ADPRHL1: variants seen among roughly 807,000 people sequenced by gnomAD.
ADPRHL1 encodes the protein ADP-ribosylhydrolase like 1.
A neutral mutation model predicts 44.1 loss-of-function variants in ADPRHL1; 43 were observed. That is an observed-to-expected ratio of 0.98 (90% confidence interval 0.76 to 1.26). The LOEUF is 1.26. Among genes scored for constraint, ADPRHL1 ranks in the 50% most tolerant of loss-of-function variants. ADPRHL1 has a pLI of 0.00. For missense variants in ADPRHL1, 2,022 were observed against 2,496.9 expected, an observed-to-expected ratio of 0.81 and a Z score of 4.05; for synonymous variants, 878 against 1,017.4, an observed-to-expected ratio of 0.86 and a Z score of 2.61.
rs186128422 is a variant in ADPRHL1, at chr13:113,444,647, C to T, written c.215-58G>A. 2.5e-4 allele frequency: 385 copies of T among 1,571,130 alleles called. 1 individual carries two copies. In the African/African-American group the frequency reaches 4.7e-3, roughly 19 times the overall value. ...CAGCTGTGGTGTGAACTGTGGCCTC[C>T]CTCCCGCGGGGTCAGGCACCATAGT... On this transcript the variant is annotated intron_variant, in intron 1 of 7. Coordinates refer to ENST00000612156, the MANE Select transcript of ADPRHL1 (RefSeq NM_001394807.1).
intron 2 of ADPRHL1, among the ~76,000 whole-genome samples, chr13:113,437,832 T>C (rs796117847): frequency 3.2e-4 from 49 of 152,286 alleles, no homozygotes; most frequent in African/African-American, 1.1e-3. Context: ...GATGAATGTT[T>C]AACTTTTTTG....
At chr13:113,428,801 T>C in intron 4 of ADPRHL1, 151 bp downstream of exon 4, 1 of 1,249,520 alleles carries the variant, frequency 8.0e-7, no homozygotes, top group Non-Finnish European at 1.1e-6. Flanking sequence ...GGGCCTGCCT[T>C]GCGAGGCCAG....
At position 113,421,707 on chromosome 13, in the gene ADPRHL1, A is replaced by T. The variant is rs112353951; in HGVS notation, c.1061+1119T>A. 8.3e-3 allele frequency among the ~76,000 whole-genome samples: 1,259 copies of T among 152,278 alleles called. 4 individuals are homozygous for T. The highest frequency in any genetic ancestry group is 0.014 in the Middle Eastern group (4 of 294). ...ACACAGGAATCCTAAGTGGGAGCAT[A>T]AAGACATCACCACTTTCCCCTTTCA... On this transcript the variant is annotated intron_variant, in intron 7 of 7. Coordinates refer to ENST00000612156, the MANE Select transcript of ADPRHL1 (RefSeq NM_001394807.1).
At position 113,422,819 on chromosome 13, in the gene ADPRHL1, G is replaced by C; in HGVS notation, c.1061+7C>G. 3.1e-6 allele frequency: 5 copies of C among 1,612,816 alleles called. No individual in the cohort carries two copies. The highest frequency in any genetic ancestry group is 4.2e-6 in the Non-Finnish European group (5 of 1,179,938). ...CTCTAGGGGGAAAGTGGCAGAAATGGCTTTACTTCTCCTCTGTGGACAGGC... is the reference window on the plus strand; with the variant it reads ...CTCTAGGGGGAAAGTGGCAGAAATGCCTTTACTTCTCCTCTGTGGACAGGC... On this transcript the variant is annotated splice_region_variant and intron_variant, in intron 7 of 7. Transcript: ENST00000612156.
rs765966171 is a variant in ADPRHL1 at position 113,422,838 on chromosome 13, G to C, written c.1049C>G (p.Ser350Cys). 36 of 1,612,808 alleles carry C rather than the reference G, an allele frequency of 2.2e-5. No homozygotes were observed. Among genetic ancestry groups the C allele is most frequent in the Non-Finnish European group, 2.7e-5 (32 of 1,179,984 alleles). ...EDLGAALYRL[S>C]TEENRKSSKT... ...GAAATGGCTTTACTTCTCCTCTGTG[G>C]ACAGGCGGTAGAGAGCCGCGCCCAG... is the stretch of plus-strand genomic sequence containing the variant. Residue 350 changes from serine to cysteine, a missense_variant, in exon 7 of 8, where the codon TCC becomes TGC. Transcript: ENST00000612156.
At chr13:113,444,347 T>G (rs1595555591) in intron 2 of ADPRHL1, 78 bp downstream of exon 2, 2 of 1,525,558 alleles carry the variant, frequency 1.3e-6, no homozygotes, top group Non-Finnish European at 1.8e-6. Flanking sequence ...ATGCTGGGGG[T>G]TAGTGGAAGG....
Position 113,406,529 on chromosome 13 carries a change from T to C in ADPRHL1, c.2753A>G (p.Gln918Arg). Residue 918 changes from glutamine to arginine, a missense_variant, in exon 8 of 8, where the codon CAG becomes CGG. Gln to Arg is a conservative substitution (Grantham distance 43). Coordinates refer to ENST00000612156, the MANE Select transcript of ADPRHL1 (RefSeq NM_001394807.1). ...MQAGLSASSPQGPRAAPRLAA... is the reference protein window; with the variant it reads ...MQAGLSASSPRGPRAAPRLAA... The stretch of plus-strand genomic sequence containing the variant: ...CAGACGCGGAGCTGCCCGTGGCCCC[T>C]GCGGCGAAGAGGCGCTGAGTCCCGC... 1.6e-6 allele frequency: 2 copies of C among 1,232,008 alleles called. No homozygotes were observed. Among genetic ancestry groups the C allele is most frequent in the Non-Finnish European group, 2.0e-6 (2 of 987,994 alleles). 76.3% of individuals were successfully genotyped at this position (1,232,008 alleles called of 1,614,324 possible).
chr13:113,435,195 TAGAGTGAACATAGGTGTACCCCGGGAC>T (rs2044042413), intron 2 of ADPRHL1, among the ~76,000 whole-genome samples: 3 of 20,272 alleles, frequency 1.5e-4, no homozygotes, highest in African/African-American at 3.4e-4. Context: ...CACCGAGGCG[TAGAGTGAACATAGGTGTACCCCGGGAC>T]CCAGCACCCA....
intron 3 of ADPRHL1, among the ~76,000 whole-genome samples, chr13:113,430,910 A>G (rs1443678443): frequency 6.6e-6 from 1 of 152,198 alleles, no homozygotes; most frequent in Non-Finnish European, 1.5e-5. Flanking sequence ...CCCTTGCCCC[A>G]CTGGGCACTG....
intron 1 of ADPRHL1, among the ~76,000 whole-genome samples, chr13:113,447,923 C>G (rs2044153824): frequency 6.6e-6 from 1 of 152,168 alleles, no homozygotes; most frequent in African/African-American, 2.4e-5. Context: ...GGTTAACAAG[C>G]CTAGCCCTTC....
At position 113,400,346 on chromosome 13, in the gene ADPRHL1, G is replaced by A. The variant is rs981729639; in HGVS notation, c.*3032C>T. On this transcript the variant is annotated 3_prime_UTR_variant, in exon 8 of 8. Transcript: ENST00000612156. ...TTTTTAGTAGAGACAGGGTTTCACT[G>A]TGTTAGCCAGGATGGTCTTGATCTC... The A allele has an allele frequency of 6.6e-6, 1 of 151,490 alleles. No individual in the cohort carries two copies. Among genetic ancestry groups the A allele is most frequent in the African/African-American group, 2.4e-5 (1 of 41,352 alleles). The allele number at this position is 151,490 out of a possible 1,614,324, so 9.4% of individuals were successfully genotyped here.
intron 7 of ADPRHL1, 78 bp from the exon 8 acceptor site, chr13:113,408,298 G>A: frequency 1.6e-6 from 2 of 1,224,608 alleles, no homozygotes; most frequent in South Asian, 4.2e-5. Flanking sequence ...TTATCATGGG[G>A]CAATCCCACC....
rs923195217 is a variant in ADPRHL1 at position 113,400,618 on chromosome 13, C to T, written c.*2760G>A. 2.0e-5 allele frequency: 3 copies of T among 152,216 alleles called. No homozygotes were observed. Among genetic ancestry groups the T allele is most frequent in the African/African-American group, 7.2e-5 (3 of 41,446 alleles). The allele number at this position is 152,216 out of a possible 1,614,324, so 9.4% of individuals were successfully genotyped here. A position where few individuals can be genotyped will look rare whatever the true frequency, so the allele number is the denominator to read the frequency against. On this transcript the variant is annotated 3_prime_UTR_variant, in exon 8 of 8. Coordinates refer to ENST00000612156, the MANE Select transcript of ADPRHL1 (RefSeq NM_001394807.1). ...GGTCGTATCTGAAGTGTGAATACTT[C>T]CCCGCGCTATCTTCTAACCTGCGCT...
At chr13:113,410,826 G>A (rs2043847228) in intron 7 of ADPRHL1, among the ~76,000 whole-genome samples, 1 of 152,210 alleles carries the variant, frequency 6.6e-6, no homozygotes, top group Admixed American at 6.5e-5. Flanking sequence ...TCTGAAGGCT[G>A]CACCCCCAGC....
intron 1 of ADPRHL1, among the ~76,000 whole-genome samples, chr13:113,452,785 G>C (rs907005939): frequency 6.6e-6 from 1 of 152,110 alleles, no homozygotes; most frequent in Non-Finnish European, 1.5e-5. Context: ...TTTCAAACTG[G>C]CTTATTTTAC....
intron 7 of ADPRHL1, among the ~76,000 whole-genome samples, chr13:113,415,608 G>T (rs2043883390): frequency 6.6e-6 from 1 of 152,060 alleles, no homozygotes; most frequent in African/African-American, 2.4e-5. Flanking sequence ...AAAATTAGCT[G>T]GGCACAGTGG....
At chr13:113,427,897 C>T (rs956437824) in intron 4 of ADPRHL1, among the ~76,000 whole-genome samples, 1 of 152,046 alleles carries the variant, frequency 6.6e-6, no homozygotes, top group African/African-American at 2.4e-5. Flanking sequence ...GTGAACCAGA[C>T]CCCCATAAGG....
rs1043606993 is a variant in ADPRHL1, at chr13:113,400,015, C to T, written c.*3363G>A. The T allele has an allele frequency of 2.0e-5, 3 of 151,888 alleles. No individual in the cohort carries two copies. Among genetic ancestry groups the T allele is most frequent in the Non-Finnish European group, 4.4e-5 (3 of 67,934 alleles). 9.4% of individuals were successfully genotyped at this position (151,888 alleles called of 1,614,324 possible). On this transcript the variant is annotated 3_prime_UTR_variant, in exon 8 of 8. Coordinates refer to ENST00000612156, the MANE Select transcript of ADPRHL1 (RefSeq NM_001394807.1). ...CCACAGACCTGCGGCTCACAGTGGGCCTGTCGACAGCCGGAGGCACCGTAA... is the reference window on the plus strand; with the variant it reads ...CCACAGACCTGCGGCTCACAGTGGGTCTGTCGACAGCCGGAGGCACCGTAA...
At position 113,405,925 on chromosome 13, in the gene ADPRHL1, G is replaced by A. The variant is rs904723597; in HGVS notation, c.3357C>T (p.Ser1119=). The part of the protein sequence containing the change: ...KACGAMAAAG[S]VASRATPAPA... The stretch of plus-strand genomic sequence containing the variant: ...GTGCAGGCGTGGCGCGGCTCGCAAC[G>A]CTCCCTGCAGCTGCCATCGCCCCAC... Residue 1119 remains serine (S), a synonymous_variant, in exon 8 of 8, where the codon AGC becomes AGT. Coordinates refer to ENST00000612156, the MANE Select transcript of ADPRHL1 (RefSeq NM_001394807.1). 2.8e-5 allele frequency: 34 copies of A among 1,231,918 alleles called. No individual in the cohort carries two copies. Among genetic ancestry groups the A allele is most frequent in the East Asian group, 6.3e-5 (2 of 31,720 alleles). 76.3% of individuals were successfully genotyped at this position (1,231,918 alleles called of 1,614,324 possible).
Sources: gnomAD v4.1 joint callset for allele counts (sites outside exome capture counted in the v4.1 genomes callset) on GRCh38, gnomAD v4.1.1 for gene constraint, MANE v1.5 for transcripts, NCBI Gene and HGNC (gene_info 2026-07-23, HGNC 2026-07-21) for gene names.